ARSB: variants seen among roughly 807,000 people sequenced by gnomAD.
The protein encoded by ARSB is N-acetylgalactosamine-4-sulfatase.
A neutral mutation model predicts 50.9 loss-of-function variants in ARSB; 41 were observed. That is an observed-to-expected ratio of 0.81 (90% CI 0.63 to 1.04). The LOEUF (loss-of-function observed/expected upper bound fraction) is 1.04. Among genes scored for constraint, ARSB ranks in the 50% least tolerant of loss-of-function variants. The probability of loss-of-function intolerance (pLI) is 0.00; values close to 1 mark genes in which losing one functional copy is unlikely to be tolerated. For missense variants in ARSB, 672 were observed against 693.3 expected, an observed-to-expected ratio of 0.97 and a Z score of 0.35; for synonymous variants, 269 against 284.8, an observed-to-expected ratio of 0.94 and a Z score of 0.56.
chr5:78,916,016 T>C (rs1253981584), intron 4 of ARSB, among the ~76,000 whole-genome samples: 3 of 152,308 alleles, frequency 2.0e-5, no homozygotes, highest in South Asian at 4.1e-4. Context: ...GCTCTGAGAT[T>C]AGCATTTATT....
At chr5:78,823,505 G>T (rs1188352671) in intron 6 of ARSB, among the ~76,000 whole-genome samples, 4 of 152,188 alleles carry the variant, frequency 2.6e-5, no homozygotes, top group Non-Finnish European at 5.9e-5. Flanking sequence ...GTACTTGAAA[G>T]AAGTCAGAAC....
chr5:78,841,164 AC>A (rs1581026735), intron 5 of ARSB, among the ~76,000 whole-genome samples: 19 of 133,518 alleles, frequency 1.4e-4, no homozygotes, highest in Admixed American at 9.4e-4. Flanking sequence ...TACTACTACT[AC>A]TACTAATAAT....
At chr5:78,824,193 T>C (rs1744343457) in intron 6 of ARSB, among the ~76,000 whole-genome samples, 1 of 152,242 alleles carries the variant, frequency 6.6e-6, no homozygotes, top group Non-Finnish European at 1.5e-5. Context: ...TGCAGAATCA[T>C]GAGCGAAATA....
At chr5:78,832,720 AT>A (rs1471783671) in intron 6 of ARSB, among the ~76,000 whole-genome samples, 1 of 152,184 alleles carries the variant, frequency 6.6e-6, no homozygotes, top group African/African-American at 2.4e-5. Context: ...ATAACATCTC[AT>A]TAGAAACTTT....
At chr5:78,968,318 A>T (rs1232824384) in intron 2 of ARSB, among the ~76,000 whole-genome samples, 10 of 8,578 alleles carry the variant, frequency 1.2e-3, no homozygotes, top group Non-Finnish European at 1.6e-3. Context: ...TTTTTATTTT[A>T]TTATTATTAT....
At position 78,948,078 on chromosome 5, in the gene ARSB, T is replaced by G. The variant is rs1224720080; in HGVS notation, c.898+7217A>C. Among the ~76,000 whole-genome samples, 5 of 151,882 alleles carry G rather than the reference T, an allele frequency of 3.3e-5. No individual in the cohort carries two copies. In the East Asian group the frequency reaches 7.7e-4, roughly 23 times the overall value. ...CTCACTTATTTGTAAGAGCTAAAAA[T>G]TAAAACAATAGAACTCATAGAGGTA... On this transcript the variant is annotated intron_variant, in intron 4 of 7. Transcript: ENST00000264914.
chr5:78,780,567 C>A lies in ARSB; in HGVS notation c.1432G>T (p.Asp478Tyr). The change falls in exon 8 of 8, where the codon GAT becomes TAT. Residue 478 changes from aspartate to tyrosine, a missense_variant. Physicochemically the swap from Asp to Tyr is radical, Grantham distance 160. Transcript: ENST00000264914. ...TCATGTCTTTCTTCAGGGTCCCGAT[C>A]AATATCAAAGAGCCAGAGGGTCTTG... ...PTKTLWLFDI[D>Y]RDPEERHDLS... The A allele has an allele frequency of 6.2e-7, 1 of 1,614,028 alleles. No individual in the cohort carries two copies. Among genetic ancestry groups the A allele is most frequent in the South Asian group, 1.1e-5 (1 of 91,064 alleles).
chr5:78,839,289 AC>A, intron 6 of ARSB, 66 bp downstream of exon 6: 1 of 1,442,790 alleles, frequency 6.9e-7, no homozygotes. Context: ...CTAGAGACAC[AC>A]TAGGTAATCA....
intron 1 of ARSB, among the ~76,000 whole-genome samples, chr5:78,974,771 C>T (rs550875297): frequency 6.6e-6 from 1 of 152,276 alleles, no homozygotes; most frequent in African/African-American, 2.4e-5. Flanking sequence ...ATGAGGCCTC[C>T]GCACTCCCCT....
In ARSB at chr5:78,885,674, G is replaced by C. The variant is rs756671977; in HGVS notation, c.1052C>G (p.Ser351Cys). The C allele has an allele frequency of 6.2e-7, 1 of 1,614,118 alleles. No individual in the cohort carries two copies. The change falls in exon 5 of 8, where the codon TCT (serine) becomes TGT (cysteine). Residue 351 changes from serine (S) to cysteine (C), a missense_variant. By Grantham distance (112) the Ser-to-Cys change is moderately radical. Transcript: ENST00000264914. The stretch of plus-strand genomic sequence containing the variant: ...CTTCACGAGTGTTGGCAGCCAGTCA[G>C]AGATGTGGATGAGCTCCCGGTTCTT... ...GVKNRELIHI[S>C]DWLPTLVKLA...
At chr5:78,816,175 T>C (rs1743983758) in intron 6 of ARSB, 1 of 1,613,874 alleles carries the variant, frequency 6.2e-7, no homozygotes. Context: ...TACGGTTGTA[T>C]CAGGACTGCA....
At position 78,781,247 on chromosome 5, in the gene ARSB, C is replaced by T. The variant is rs75972150; in HGVS notation, c.1337-585G>A. ...CACATATATTTAAAATCCGTATTTTCCATGAAGCATAAGAGTGACATTTCT... is the reference window on the plus strand; with the variant it reads ...CACATATATTTAAAATCCGTATTTTTCATGAAGCATAAGAGTGACATTTCT... On this transcript the variant is annotated intron_variant, in intron 7 of 7. Transcript: ENST00000264914. 6.8e-3 allele frequency among the ~76,000 whole-genome samples: 1,033 copies of T among 151,616 alleles called. 26 individuals carry two copies. The East Asian group carries it at 0.086, about 13-fold the overall frequency.
chr5:78,957,396 C>T (rs1197818508), intron 3 of ARSB, among the ~76,000 whole-genome samples: 1 of 151,880 alleles, frequency 6.6e-6, no homozygotes, highest in Non-Finnish European at 1.5e-5. Context: ...TCAAATAGAC[C>T]CCCCAAAAGT....
At chr5:78,848,692 C>A (rs571145537) in intron 5 of ARSB, among the ~76,000 whole-genome samples, 8 of 152,260 alleles carry the variant, frequency 5.3e-5, no homozygotes, top group African/African-American at 1.9e-4. Flanking sequence ...ACCAACAGTG[C>A]AAAAGTATTT....
chr5:78,860,898 A>C (rs916834843), intron 5 of ARSB, among the ~76,000 whole-genome samples: 1 of 152,246 alleles, frequency 6.6e-6, no homozygotes, highest in Admixed American at 6.5e-5. Context: ...GAGAAGAATC[A>C]AATAGACACA....
chr5:78,857,172 A>G (rs1193956039), intron 5 of ARSB, among the ~76,000 whole-genome samples: 1 of 152,188 alleles, frequency 6.6e-6, no homozygotes, highest in African/African-American at 2.4e-5. Flanking sequence ...ATTCCTACCT[A>G]TTCTTCTTGC....
intron 4 of ARSB, among the ~76,000 whole-genome samples, chr5:78,903,140 A>T (rs1164063413): frequency 1.3e-5 from 2 of 152,216 alleles, no homozygotes; most frequent in African/African-American, 4.8e-5. Flanking sequence ...ATGATGATGT[A>T]ACTTCAGAGG....
intron 5 of ARSB, among the ~76,000 whole-genome samples, chr5:78,860,549 T>C (rs1746382570): frequency 6.6e-6 from 1 of 152,168 alleles, no homozygotes; most frequent in Non-Finnish European, 1.5e-5. Flanking sequence ...ATAAAGATGT[T>C]CTTTGAAACC....
At chr5:78,817,089 C>G (rs1744018995) in intron 6 of ARSB, 1 of 985,412 alleles carries the variant, frequency 1.0e-6, no homozygotes, top group African/African-American at 1.7e-5. Context: ...CCTTCTGTAG[C>G]AGTACCCTCC....
Sources: allele counts gnomAD v4.1 joint callset (sites outside exome capture counted in the v4.1 genomes callset), GRCh38; gene constraint gnomAD v4.1.1; transcripts MANE v1.5; gene names NCBI Gene and HGNC (gene_info 2026-07-23, HGNC 2026-07-21).